The following IGHMBP2 variants were observed in gnomAD, a reference collection of about 807,000 sequenced individuals.
IGHMBP2 encodes DNA-binding protein SMUBP-2.
IGHMBP2 carries 81 observed loss-of-function variants against 96.0 expected under a neutral mutation model. The observed-to-expected ratio is 0.84, with a 90% confidence interval of 0.71 to 1.01. The LOEUF is 1.01. Among genes scored for constraint, IGHMBP2 ranks in the 50% least tolerant of loss-of-function variants. IGHMBP2 has a pLI of 0.00. For missense variants in IGHMBP2, 1,227 were observed against 1,306.3 expected (o/e 0.94, Z 0.94); for synonymous variants, 557 against 548.9 (o/e 1.01, Z -0.21).
chr11:68,933,492 C>T lies in IGHMBP2; in HGVS notation c.1418+11C>T, dbSNP rs201279838. Reference sequence around the variant, plus strand: ...AAGGCACCTCCTGAGGTGAGTAGCTCGGCACCACCCGCCGCCCCATCCTTC... The same window carrying T: ...AAGGCACCTCCTGAGGTGAGTAGCTTGGCACCACCCGCCGCCCCATCCTTC... On this transcript the variant is annotated intron_variant, in intron 9 of 14. Coordinates refer to ENST00000255078, the MANE Select transcript of IGHMBP2 (RefSeq NM_002180.3). The T allele has an allele frequency of 1.5e-4, 236 of 1,607,726 alleles. No individual in the cohort carries two copies. In the African/African-American group the frequency reaches 2.7e-3, roughly 18 times the overall value.
At chr11:68,928,324 C>T (rs1859147694) in intron 7 of IGHMBP2, among the ~76,000 whole-genome samples, 1 of 152,224 alleles carries the variant, frequency 6.6e-6, no homozygotes, top group South Asian at 2.1e-4. Flanking sequence ...GTGACCTAAA[C>T]ATGTCTCTTA....
At chr11:68,908,406 C>T in intron 3 of IGHMBP2, 69 bp downstream of exon 3, 2 of 1,518,018 alleles carry the variant, frequency 1.3e-6, no homozygotes, top group South Asian at 1.1e-5. Flanking sequence ...TCTTACATGC[C>T]TGTCGCACAA....
At position 68,914,988 on chromosome 11, in the gene IGHMBP2, G is replaced by C; in HGVS notation, c.877G>C (p.Val293Leu). 1 of 1,614,134 alleles carries C rather than the reference G, an allele frequency of 6.2e-7. No individual in the cohort carries two copies. The highest frequency in any genetic ancestry group is 1.7e-5 in the Admixed American group (1 of 60,006). Residue 293 changes from valine (V) to leucine (L), a missense_variant, in exon 6 of 15, where the codon GTT (valine) becomes CTT (leucine). Around this residue, in one of 3 missense-constraint regions of IGHMBP2, gnomAD observed 507 missense variants for 496.9 expected, o/e 1.02. Transcript: ENST00000255078. ...AGCGCGGAGCGACAGTGCCCAGATT[G>C]TTGCAGATATCAGGAAGGACATCGA... ...VLARSDSAQI[V>L]ADIRKDIDQV...
At chr11:68,905,653 T>C (rs1156904087) in intron 1 of IGHMBP2, among the ~76,000 whole-genome samples, 1 of 152,364 alleles carries the variant, frequency 6.6e-6, no homozygotes, top group South Asian at 2.1e-4. Context: ...TTGGGTCTCC[T>C]GCTTTTGATT....
intron 7 of IGHMBP2, among the ~76,000 whole-genome samples, chr11:68,923,418 G>C (rs1858949215): frequency 6.6e-6 from 1 of 152,046 alleles, no homozygotes; most frequent in Admixed American, 6.6e-5. Context: ...GGCCAGGCTG[G>C]TCTCAAACTC....
At chr11:68,918,711 G>T (rs1188780169) in intron 7 of IGHMBP2, among the ~76,000 whole-genome samples, 1 of 152,122 alleles carries the variant, frequency 6.6e-6, no homozygotes, top group African/African-American at 2.4e-5. Flanking sequence ...TCACTATGTT[G>T]CCCAGGCTGG....
chr11:68,910,710 C>T (rs1463681006), intron 4 of IGHMBP2, among the ~76,000 whole-genome samples: 1 of 152,016 alleles, frequency 6.6e-6, no homozygotes. Context: ...GGTGAATCCC[C>T]GTCTCTACTA....
chr11:68,933,592 T>C, intron 9 of IGHMBP2, 111 bp downstream of exon 9: 1 of 1,363,704 alleles, frequency 7.3e-7, no homozygotes, highest in Non-Finnish European at 1.0e-6. Context: ...GAAAGTCGAC[T>C]CTGAGGCTAG....
At chr11:68,920,555 T>C (rs1858839659) in intron 7 of IGHMBP2, among the ~76,000 whole-genome samples, 1 of 152,234 alleles carries the variant, frequency 6.6e-6, no homozygotes, top group African/African-American at 2.4e-5. Flanking sequence ...CAATCATGGC[T>C]CCCTGCAGCC....
intron 7 of IGHMBP2, among the ~76,000 whole-genome samples, chr11:68,919,566 C>G (rs1858802466): frequency 6.6e-6 from 1 of 152,200 alleles, no homozygotes; most frequent in Admixed American, 6.5e-5. Flanking sequence ...TCCATGCACA[C>G]TTGATAGAAC....
At chr11:68,905,585 C>T (rs1433807450) in intron 1 of IGHMBP2, among the ~76,000 whole-genome samples, 1 of 152,142 alleles carries the variant, frequency 6.6e-6, no homozygotes, top group Non-Finnish European at 1.5e-5. Flanking sequence ...AAGGATGGGC[C>T]ATCAGCGGGG....
At chr11:68,920,287 C>T (rs906421750) in intron 7 of IGHMBP2, among the ~76,000 whole-genome samples, 9 of 152,108 alleles carry the variant, frequency 5.9e-5, no homozygotes, top group East Asian at 1.9e-4. Context: ...TACAGTGGTG[C>T]GGTCAAAGCT....
chr11:68,939,475 C>G, intron 14 of IGHMBP2, 59 bp from the exon 15 acceptor site: 1 of 1,580,968 alleles, frequency 6.3e-7, no homozygotes, highest in Non-Finnish European at 8.7e-7. Flanking sequence ...ATAGGCAGAG[C>G]TGCAGGATCT....
chr11:68,913,949 G>C (rs1407607127), intron 5 of IGHMBP2, among the ~76,000 whole-genome samples: 2 of 152,148 alleles, frequency 1.3e-5, no homozygotes, highest in East Asian at 1.9e-4. Context: ...TTTATAATCA[G>C]ATGGTGCAGC....
At chr11:68,939,495 C>T in intron 14 of IGHMBP2, 39 bp from the exon 15 acceptor site, 1 of 1,606,950 alleles carries the variant, frequency 6.2e-7, no homozygotes, top group Non-Finnish European at 8.5e-7. Flanking sequence ...TGCCTCCTTG[C>T]CCCTGTGAGC....
intron 8 of IGHMBP2, 59 bp downstream of exon 8, chr11:68,929,416 C>CGCTCAGCCAGGAGCCCCAG (rs1859189974): frequency 6.6e-7 from 1 of 1,525,006 alleles, no homozygotes; most frequent in Admixed American, 1.7e-5. Flanking sequence ...GGTCCTTCCA[C>CGCTCAGCCAGGAGCCCCAG]GCTCAGCCAG....
In IGHMBP2 at chr11:68,939,858, C is replaced by A; in HGVS notation, c.*127C>A. The A allele has an allele frequency of 1.9e-6, 2 of 1,040,954 alleles. No homozygotes were observed. Among genetic ancestry groups the A allele is most frequent in the Non-Finnish European group, 2.8e-6 (2 of 723,620 alleles). The allele number at this position is 1,040,954 out of a possible 1,614,324, so 64.5% of individuals were successfully genotyped here. A position where few individuals can be genotyped will look rare whatever the true frequency, so the allele number is the denominator to read the frequency against. On this transcript the variant is annotated 3_prime_UTR_variant, in exon 15 of 15. Transcript: ENST00000255078. The stretch of plus-strand genomic sequence containing the variant: ...GCCTATGGGGGAGGAGCGGAGGGCC[C>A]TGTTGGGGAAGGTTGGGTTTTTGGA...
intron 8 of IGHMBP2, 83 bp downstream of exon 8, chr11:68,929,440 A>G (rs1859191074): frequency 7.4e-7 from 1 of 1,357,148 alleles, no homozygotes; most frequent in Non-Finnish European, 1.0e-6. Flanking sequence ...CCCCAGGCTC[A>G]CCAGGAGCCC....
At chr11:68,915,894 C>T (rs1858645323) in intron 6 of IGHMBP2, among the ~76,000 whole-genome samples, 1 of 151,982 alleles carries the variant, frequency 6.6e-6, no homozygotes, top group East Asian at 1.9e-4. Flanking sequence ...CATTTTCCGG[C>T]CGGATACAGT....
Sources: allele counts gnomAD v4.1 joint callset (sites outside exome capture counted in the v4.1 genomes callset), GRCh38; gene constraint gnomAD v4.1.1; regional missense constraint gnomAD v4.1.1; transcripts MANE v1.5; gene names NCBI Gene and HGNC (gene_info 2026-07-23, HGNC 2026-07-21).